MRPL42: variants seen among roughly 807,000 people sequenced by gnomAD.
MRPL42 encodes the protein large ribosomal subunit protein mL42.
In MRPL42, 17 loss-of-function variants were observed where a neutral mutation model predicts 17.9. The ratio of observed to expected loss-of-function variants is 0.95; its 90% CI spans 0.65 to 1.42. MRPL42 has a LOEUF of 1.42. Among genes scored for constraint, MRPL42 ranks in the 40% most tolerant of loss-of-function variants. The pLI is 0.00. For missense variants in MRPL42, 177 were observed against 175.2 expected (o/e 1.01, Z -0.06); for synonymous variants, 59 against 54.4 (o/e 1.08, Z -0.37).
intron 5 of MRPL42, among the ~76,000 whole-genome samples, chr12:93,490,071 ACTT>A (rs1953384517): frequency 6.6e-6 from 1 of 152,168 alleles, no homozygotes; most frequent in South Asian, 2.1e-4. Flanking sequence ...CCTTGTTTCA[ACTT>A]CTTCTGTAAT....
In MRPL42 at chr12:93,511,429, CTT is replaced by C. The variant is rs1178671144; in HGVS notation, c.*10209_*10210del. On this transcript the variant is annotated 3_prime_UTR_variant, in exon 6 of 6. Transcript: ENST00000549982. Reference sequence around the variant, plus strand: ...TAAAAAATGCAATTAAGACAATAATCTTATATATAGACAATAATTGTCTTAAT... The same window carrying C: ...TAAAAAATGCAATTAAGACAATAATCATATATAGACAATAATTGTCTTAAT... 4.6e-5 allele frequency: 7 copies of C among 152,110 alleles called. No individual in the cohort carries two copies. The highest frequency in any genetic ancestry group is 6.5e-5 in the Admixed American group (1 of 15,278). The allele number at this position is 152,110 out of a possible 1,614,324, so 9.4% of individuals were successfully genotyped here.
chr12:93,483,108 T>C (rs113289433), intron 4 of MRPL42, among the ~76,000 whole-genome samples: 2,408 of 152,310 alleles, frequency 0.016, 67 homozygotes, highest in African/African-American at 0.054. Context: ...TTGGCCAGGC[T>C]GGTCTCTAAC....
At position 93,504,960 on chromosome 12, in the gene MRPL42, G is replaced by T. The variant is rs1403518285; in HGVS notation, c.*3739G>T. 6.6e-6 allele frequency: 1 copy of T among 152,144 alleles called. No individual in the cohort carries two copies. The highest frequency in any genetic ancestry group is 1.5e-5 in the Non-Finnish European group (1 of 68,024). The allele number at this position is 152,144 out of a possible 1,614,324, so 9.4% of individuals were successfully genotyped here. A position where few individuals can be genotyped will look rare whatever the true frequency, so the allele number is the denominator to read the frequency against. ...ATTGCTTCACAGGCATCTGAATATGGTTTTATAAAATACATTGCTCTAGTG... is the reference window on the plus strand; with the variant it reads ...ATTGCTTCACAGGCATCTGAATATGTTTTTATAAAATACATTGCTCTAGTG... On this transcript the variant is annotated 3_prime_UTR_variant, in exon 6 of 6. Transcript: ENST00000549982.
At position 93,501,943 on chromosome 12, in the gene MRPL42, T is replaced by G. The variant is rs1592790250; in HGVS notation, c.*722T>G. The G allele has an allele frequency of 7.9e-6, 1 of 127,322 alleles. No homozygotes were observed. The highest frequency in any genetic ancestry group is 2.6e-4 in the East Asian group (1 of 3,792). 7.9% of individuals were successfully genotyped at this position (127,322 alleles called of 1,614,324 possible). A position where few individuals can be genotyped will look rare whatever the true frequency, so the allele number is the denominator to read the frequency against. On this transcript the variant is annotated 3_prime_UTR_variant, in exon 6 of 6. Transcript: ENST00000549982. Reference sequence around the variant, plus strand: ...CTAGGCCCCTTCCATCAATTCTTATTAAATTCTCAAAATAATCCTTTGAAA... The same window carrying G: ...CTAGGCCCCTTCCATCAATTCTTATGAAATTCTCAAAATAATCCTTTGAAA...
rs1025332846 is a variant in MRPL42 at position 93,502,561 on chromosome 12, C to T, written c.*1340C>T. ...AAGGAAATAATTAATAATGGTGACC[C>T]TCTGTTAAGTGGTTTACTTTTTCCA... On this transcript the variant is annotated 3_prime_UTR_variant, in exon 6 of 6. Transcript: ENST00000549982. 6.6e-6 allele frequency: 1 copy of T among 151,886 alleles called. No individual in the cohort carries two copies. The highest frequency in any genetic ancestry group is 1.5e-5 in the Non-Finnish European group (1 of 67,996). 9.4% of individuals were successfully genotyped at this position (151,886 alleles called of 1,614,324 possible).
intron 5 of MRPL42, among the ~76,000 whole-genome samples, chr12:93,491,850 C>T (rs954948676): frequency 1.3e-5 from 2 of 152,206 alleles, no homozygotes. Flanking sequence ...CTCCCACTTA[C>T]ACGTGAGAAC....
chr12:93,483,694 A>G (rs1880573428), intron 4 of MRPL42, among the ~76,000 whole-genome samples: 1 of 152,128 alleles, frequency 6.6e-6, no homozygotes, highest in Non-Finnish European at 1.5e-5. Flanking sequence ...TTATAAACAA[A>G]CACTGTATGC....
In MRPL42 at chr12:93,514,439, AT is replaced by A. The variant is rs796091086; in HGVS notation, c.*13229del. 0.021 allele frequency: 2,933 copies of A among 141,558 alleles called. 82 individuals are homozygous for A. The highest frequency in any genetic ancestry group is 0.07 in the African/African-American group (2,740 of 38,908). 8.8% of individuals were successfully genotyped at this position (141,558 alleles called of 1,614,324 possible). ...AGGCACCCACCACCACACCTGGCTA[AT>A]TTTTTTTTTTGGTAGAGACAGGGTT... On this transcript the variant is annotated 3_prime_UTR_variant, in exon 6 of 6. Coordinates refer to ENST00000549982, the MANE Select transcript of MRPL42 (RefSeq NM_014050.4).
In MRPL42 at chr12:93,485,003, T is replaced by TATATATATACAC. The variant is rs1565813845; in HGVS notation, c.220-2485_220-2484insCACATATATATA. The stretch of plus-strand genomic sequence containing the variant: ...ACATATATATATATATATATATATA[T>TATATATATACAC]ATATATATATATATATATATATATA... On this transcript the variant is annotated intron_variant, in intron 4 of 5. Transcript: ENST00000549982. 3.8e-4 allele frequency among the ~76,000 whole-genome samples: 26 copies of TATATATATACAC among 68,332 alleles called. 4 individuals are homozygous for TATATATATACAC. Among genetic ancestry groups the TATATATATACAC allele is most frequent in the African/African-American group, 1.4e-3 (26 of 19,162 alleles). 44.8% of individuals were successfully genotyped at this position (68,332 alleles called of 152,430 possible).
rs1302379079 is a variant in MRPL42 at position 93,513,722 on chromosome 12, AT to A, written c.*12502del. On this transcript the variant is annotated 3_prime_UTR_variant, in exon 6 of 6. Coordinates refer to ENST00000549982, the MANE Select transcript of MRPL42 (RefSeq NM_014050.4). The stretch of plus-strand genomic sequence containing the variant: ...TCTATTTATTGAAATTTAATTTTAT[AT>A]CCATTAACATAATTAAAAATTGGGG... 6.6e-6 allele frequency: 1 copy of A among 152,186 alleles called. No individual in the cohort carries two copies. The highest frequency in any genetic ancestry group is 2.4e-5 in the African/African-American group (1 of 41,460). 9.4% of individuals were successfully genotyped at this position (152,186 alleles called of 1,614,324 possible). A position where few individuals can be genotyped will look rare whatever the true frequency, so the allele number is the denominator to read the frequency against.
chr12:93,487,743 A>C (rs1200913038), intron 5 of MRPL42, 83 bp downstream of exon 5: 4 of 1,277,844 alleles, frequency 3.1e-6, no homozygotes. Flanking sequence ...AAACTTCTGA[A>C]GTGGTGTTTT....
At chr12:93,484,998 A>G (rs1281930143) in intron 4 of MRPL42, among the ~76,000 whole-genome samples, 1 of 71,774 alleles carries the variant, frequency 1.4e-5, no homozygotes, top group African/African-American at 7.8e-5. Flanking sequence ...ATATATATAT[A>G]TATATATATA....
chr12:93,494,273 G>A (rs111741131), intron 5 of MRPL42, among the ~76,000 whole-genome samples: 118 of 152,312 alleles, frequency 7.7e-4, no homozygotes, highest in South Asian at 2.7e-3. Flanking sequence ...ACAGACTGCA[G>A]CAAAGCAAAG....
chr12:93,485,067 TC>T (rs1223578788), intron 4 of MRPL42, among the ~76,000 whole-genome samples: 3 of 137,176 alleles, frequency 2.2e-5, no homozygotes, highest in African/African-American at 8.0e-5. Context: ...CCTAGGCTGG[TC>T]TCAACCTCCT....
intron 2 of MRPL42, among the ~76,000 whole-genome samples, chr12:93,470,895 A>G (rs1461131023): frequency 6.6e-6 from 1 of 152,218 alleles, no homozygotes; most frequent in African/African-American, 2.4e-5. Flanking sequence ...GCTATTGTGA[A>G]TAGTGCTCTG....
Position 93,469,317 on chromosome 12 carries a change from CAA to C in MRPL42, c.34_35del (p.Lys12GlufsTer21). ...GTAGCTGCAGTAAAATGGGTGATGT[CAA>C]AGAGAACTATCTTGAAACATTTATT... is the stretch of plus-strand genomic sequence containing the variant. On this transcript the variant is annotated frameshift_variant, in exon 2 of 6. Coordinates refer to ENST00000549982, the MANE Select transcript of MRPL42 (RefSeq NM_014050.4). LOFTEE classifies it high-confidence loss of function. The C allele has an allele frequency of 6.2e-7, 1 of 1,611,288 alleles. No individual in the cohort carries two copies. The highest frequency in any genetic ancestry group is 8.5e-7 in the Non-Finnish European group (1 of 1,179,086).
chr12:93,477,116 A>G, intron 3 of MRPL42, 99 bp downstream of exon 3: 4 of 868,144 alleles, frequency 4.6e-6, no homozygotes, highest in African/African-American at 1.8e-5. Flanking sequence ...TTCTTTTCTC[A>G]TTATTCTTTC....
At chr12:93,470,436 T>C in intron 2 of MRPL42, 1 of 1,246,504 alleles carries the variant, frequency 8.0e-7, no homozygotes, top group South Asian at 1.4e-5. Context: ...GGTTTGCCTT[T>C]TTATATTAAA....
At position 93,479,390 on chromosome 12, in the gene MRPL42, A is replaced by G. The variant is rs1332082857; in HGVS notation, c.137A>G (p.Asn46Ser). The change falls in exon 4 of 6, where the codon AAC becomes AGC. Residue 46 changes from asparagine to serine, a missense_variant and splice_region_variant. Physicochemically the swap from Asn to Ser is conservative, Grantham distance 46 (BLOSUM62 1). Coordinates refer to ENST00000549982, the MANE Select transcript of MRPL42 (RefSeq NM_014050.4). ...YSPLPDDYNC[N>S]VELALTSDGR... Reference sequence around the variant, plus strand: ...TTCTAAAACATTCTTTTTTTTAGCAACGTAGAGCTTGCTCTGACTTCTGAT... The same window carrying G: ...TTCTAAAACATTCTTTTTTTTAGCAGCGTAGAGCTTGCTCTGACTTCTGAT... 1.2e-6 allele frequency: 2 copies of G among 1,607,882 alleles called. No individual in the cohort carries two copies. The highest frequency in any genetic ancestry group is 1.7e-6 in the Non-Finnish European group (2 of 1,176,996).
Sources: allele counts gnomAD v4.1 joint callset (sites outside exome capture counted in the v4.1 genomes callset), GRCh38; gene constraint gnomAD v4.1.1; transcripts MANE v1.5; gene names NCBI Gene and HGNC (gene_info 2026-07-23, HGNC 2026-07-21).